NSUN7: variants seen among roughly 807,000 people sequenced by gnomAD.
The protein encoded by NSUN7 is NOP2/Sun RNA methyltransferase family member 7.
NSUN7 carries 39 observed loss-of-function variants against 58.5 expected under a neutral mutation model. That is an observed-to-expected ratio of 0.67 (90% CI 0.52 to 0.87). The LOEUF is 0.87. NSUN7 is among the 40% of genes least tolerant of loss of function. The pLI, the probability that NSUN7 is intolerant of heterozygous loss-of-function variation, is 0.00. For missense variants in NSUN7, 765 were observed against 844.1 expected (o/e 0.91, Z 1.16); for synonymous variants, 278 against 303.7 (o/e 0.92, Z 0.88).
In NSUN7 at chr4:40,750,949, T is replaced by C. The variant is rs1294677469; in HGVS notation, c.256T>C (p.Phe86Leu). 6.2e-7 allele frequency: 1 copy of C among 1,614,206 alleles called. No homozygotes were observed. The highest frequency in any genetic ancestry group is 2.2e-5 in the East Asian group (1 of 44,888). The part of the protein sequence containing the change: ...RSLSESEDQS[F>L]QRLSYELAFS... ...CTTGTCCGAGTCTGAGGATCAGTCCTTTCAGCGTTTGTCTTATGAGCTGGC... is the reference window on the plus strand; with the variant it reads ...CTTGTCCGAGTCTGAGGATCAGTCCCTTCAGCGTTTGTCTTATGAGCTGGC... The change falls in exon 2 of 12, where the codon TTT becomes CTT. Residue 86 changes from phenylalanine (F) to leucine (L), a missense_variant. Transcript: ENST00000381782.
At chr4:40,797,787 A>G (rs529410980) in intron 9 of NSUN7, among the ~76,000 whole-genome samples, 1 of 152,348 alleles carries the variant, frequency 6.6e-6, no homozygotes, top group East Asian at 1.9e-4. Flanking sequence ...TAACCCAAGT[A>G]AAAACCTAAG....
At chr4:40,756,812 G>T (rs762290228) in intron 2 of NSUN7, among the ~76,000 whole-genome samples, 3 of 152,048 alleles carry the variant, frequency 2.0e-5, no homozygotes, top group Non-Finnish European at 4.4e-5. Context: ...GTATGATGGG[G>T]GTCCTTATAC....
rs566471687 is a variant in NSUN7, at chr4:40,757,694, T to C, written c.299-2740T>C. On this transcript the variant is annotated intron_variant, in intron 2 of 11. Coordinates refer to ENST00000381782, the MANE Select transcript of NSUN7 (RefSeq NM_024677.6). ...TGTGTGTATATATATACACACTGTG[T>C]ATATATATACATTGTGTGTGTGTGT... Among the ~76,000 whole-genome samples the C allele has an allele frequency of 2.2e-5, 3 of 134,468 alleles. No homozygotes were observed. In the East Asian group the frequency reaches 6.2e-4, roughly 28 times the overall value. 88.2% of individuals were successfully genotyped at this position (134,468 alleles called of 152,430 possible).
chr4:40,801,139 T>C (rs947650353), intron 10 of NSUN7, among the ~76,000 whole-genome samples: 2 of 152,118 alleles, frequency 1.3e-5, no homozygotes, highest in Non-Finnish European at 2.9e-5. Context: ...ACTCTTGCAT[T>C]GCCATGGGAG....
At chr4:40,803,589 A>G (rs1743696307) in intron 10 of NSUN7, among the ~76,000 whole-genome samples, 1 of 152,232 alleles carries the variant, frequency 6.6e-6, no homozygotes, top group Admixed American at 6.5e-5. Flanking sequence ...ATAGATATAC[A>G]TCAAGTATAG....
chr4:40,782,186 A>G (rs1742605374), intron 7 of NSUN7, among the ~76,000 whole-genome samples: 1 of 152,226 alleles, frequency 6.6e-6, no homozygotes, highest in South Asian at 2.1e-4. Context: ...AAAATGAAAG[A>G]AAATCCTTTT....
chr4:40,769,676 A>T (rs1235506269), intron 4 of NSUN7, among the ~76,000 whole-genome samples: 3 of 152,294 alleles, frequency 2.0e-5, no homozygotes, highest in Admixed American at 6.5e-5. Context: ...GCTCAGATAT[A>T]TTCTTTTTCT....
At chr4:40,773,918 C>A (rs915869363) in intron 4 of NSUN7, among the ~76,000 whole-genome samples, 2 of 152,046 alleles carry the variant, frequency 1.3e-5, no homozygotes, top group African/African-American at 4.8e-5. Flanking sequence ...CCTGCCTCAA[C>A]CTCCCGAGTA....
chr4:40,753,953 G>A (rs139243612), intron 2 of NSUN7, among the ~76,000 whole-genome samples: 1 of 152,260 alleles, frequency 6.6e-6, no homozygotes, highest in Admixed American at 6.5e-5. Context: ...CCAGCCATAT[G>A]GAACTGTAAG....
chr4:40,774,782 TA>T lies in NSUN7; in HGVS notation c.659del (p.Asn220IlefsTer3). On this transcript the variant is annotated frameshift_variant, in exon 6 of 12. Transcript: ENST00000381782. LOFTEE classifies it high-confidence loss of function. ...TCKISPEEVY[N>X]NLKRRGYNKV... ...ATATTTACAGCCCTGAAGAAGTTTA[TA>T]ATAATTTGAAGAGAAGAGGCTATAA... 1 of 1,529,238 alleles carries T rather than the reference TA, an allele frequency of 6.5e-7. No homozygotes were observed. The highest frequency in any genetic ancestry group is 8.9e-7 in the Non-Finnish European group (1 of 1,121,460). 94.7% of individuals were successfully genotyped at this position (1,529,238 alleles called of 1,614,324 possible).
chr4:40,751,121 G>GGCAT (rs1740810600), intron 2 of NSUN7, 130 bp downstream of exon 2: 4 of 956,664 alleles, frequency 4.2e-6, no homozygotes, highest in Non-Finnish European at 4.6e-6. Context: ...GCATATCTTT[G>GGCAT]GTTAATTGCA....
At chr4:40,768,948 GTTC>G (rs1187349059) in intron 4 of NSUN7, among the ~76,000 whole-genome samples, 2 of 152,170 alleles carry the variant, frequency 1.3e-5, no homozygotes, top group Admixed American at 6.5e-5. Context: ...GACTTAGTCA[GTTC>G]TTCTTCCAAA....
At chr4:40,786,940 A>C (rs1187208346) in intron 7 of NSUN7, among the ~76,000 whole-genome samples, 1 of 152,144 alleles carries the variant, frequency 6.6e-6, no homozygotes, top group Non-Finnish European at 1.5e-5. Context: ...ATCTTTTGGT[A>C]CTACCATTTG....
chr4:40,798,059 C>T (rs569901272), intron 9 of NSUN7, among the ~76,000 whole-genome samples: 2 of 152,346 alleles, frequency 1.3e-5, no homozygotes, highest in South Asian at 4.1e-4. Flanking sequence ...ACAATGCTTT[C>T]TCTCACTGCT....
intron 2 of NSUN7, among the ~76,000 whole-genome samples, chr4:40,757,961 C>T (rs1025436133): frequency 1.3e-5 from 2 of 151,644 alleles, no homozygotes; most frequent in Non-Finnish European, 2.9e-5. Context: ...ACTCTTGTTG[C>T]CCAAGCCAGA....
At chr4:40,757,738 AC>A in intron 2 of NSUN7, among the ~76,000 whole-genome samples, 1 of 149,066 alleles carries the variant, frequency 6.7e-6, no homozygotes, top group African/African-American at 2.5e-5. Context: ...ACACACACAC[AC>A]ACACACACAC....
chr4:40,761,433 C>T (rs368141519), intron 4 of NSUN7, 132 bp downstream of exon 4: 1 of 705,814 alleles, frequency 1.4e-6, no homozygotes, highest in Non-Finnish European at 2.2e-6. Flanking sequence ...TCATAAAATT[C>T]TTGAATTTCT....
intron 2 of NSUN7, among the ~76,000 whole-genome samples, chr4:40,759,954 C>T (rs888260042): frequency 2.0e-5 from 3 of 152,098 alleles, no homozygotes; most frequent in African/African-American, 7.2e-5. Context: ...GGCAGAATTG[C>T]TTGAACCTGG....
chr4:40,794,518 C>A, intron 9 of NSUN7, 42 bp downstream of exon 9: 1 of 1,189,496 alleles, frequency 8.4e-7, no homozygotes, highest in Non-Finnish European at 1.2e-6. Context: ...ATAAGGTGTA[C>A]ATTTTAGAAA....
Sources: allele counts gnomAD v4.1 joint callset (sites outside exome capture counted in the v4.1 genomes callset), GRCh38; gene constraint gnomAD v4.1.1; transcripts MANE v1.5; gene names NCBI Gene and HGNC (gene_info 2026-07-23, HGNC 2026-07-21).